The following LAMA3 variants were observed in gnomAD, a reference collection of about 807,000 sequenced individuals.
LAMA3 encodes laminin subunit alpha-3.
In LAMA3, 281 loss-of-function variants were observed where a neutral mutation model predicts 402.0. That is an observed-to-expected ratio of 0.70 (90% CI 0.63 to 0.77). LAMA3 has a LOEUF of 0.77. Ranked by LOEUF, LAMA3 falls within the 30% of genes least tolerant of loss-of-function variation. LAMA3 has a pLI of 0.00. For synonymous variants in LAMA3, 1,431 were observed against 1,558.4 expected (o/e 0.92, Z 1.93); for missense variants, 3,840 against 4,215.5 (o/e 0.91, Z 2.47).
intron 2 of LAMA3, among the ~76,000 whole-genome samples, chr18:23,730,470 C>T (rs1013919221): frequency 1.3e-4 from 19 of 150,814 alleles, no homozygotes; most frequent in African/African-American, 3.9e-4. Flanking sequence ...CGGGCTCAAG[C>T]GATTCTCCTG....
rs139471803 is a variant in LAMA3, at chr18:23,804,945, G to A, written c.1604-5421G>A. 3.9e-5 allele frequency among the ~76,000 whole-genome samples: 6 copies of A among 152,246 alleles called. No homozygotes were observed. The East Asian group carries it at 7.7e-4, about 20-fold the overall frequency. ...AGACCCTCACCAGAAGCAGATGCTG[G>A]CACCATGCTTCCTGTACAGCTTGCA... On this transcript the variant is annotated intron_variant, in intron 12 of 74. Transcript: ENST00000313654.
rs761534098 is a variant in LAMA3, at chr18:23,763,513, T to C, written c.1172T>C (p.Ile391Thr). The part of the protein sequence containing the change: ...QGIYAGGGVC[I>T]NCQHNTAGVN... The stretch of plus-strand genomic sequence containing the variant: ...ATCTATGCTGGTGGAGGGGTCTGCA[T>C]TAACTGTCAGGTGAGGCACTATTTA... The change falls in exon 8 of 75, where the codon ATT becomes ACT. Residue 391 changes from isoleucine to threonine, a missense_variant. Physicochemically the swap from Ile to Thr is moderately conservative, Grantham distance 89. Around this residue, in one of 3 missense-constraint regions of LAMA3, gnomAD observed 2,109 missense variants for 2,376.0 expected, o/e 0.89. Transcript: ENST00000313654. 6.3e-7 allele frequency: 1 copy of C among 1,595,978 alleles called. No homozygotes were observed. The highest frequency in any genetic ancestry group is 1.3e-5 in the African/African-American group (1 of 74,632).
chr18:23,932,477 GC>G, intron 66 of LAMA3, 186 bp downstream of exon 66: 1 of 589,770 alleles, frequency 1.7e-6, no homozygotes, highest in Admixed American at 3.0e-5. Context: ...AAACTCCTGG[GC>G]CCGGCCTCCT....
intron 3 of LAMA3, among the ~76,000 whole-genome samples, 193 bp downstream of exon 3, chr18:23,748,253 AC>A (rs1351134138): frequency 2.0e-5 from 3 of 151,868 alleles, no homozygotes; most frequent in East Asian, 3.9e-4. Flanking sequence ...ACATGGTGAA[AC>A]CCTGTCTCTA....
At chr18:23,810,017 G>C (rs758741078) in intron 12 of LAMA3, among the ~76,000 whole-genome samples, 2 of 152,066 alleles carry the variant, frequency 1.3e-5, no homozygotes, top group Non-Finnish European at 2.9e-5. Context: ...CCATCACCCA[G>C]CACCTGCAAA....
chr18:23,939,443 C>A, intron 68 of LAMA3, 57 bp downstream of exon 68: 1 of 1,565,120 alleles, frequency 6.4e-7, no homozygotes, highest in South Asian at 1.1e-5. Context: ...TGCGATTCCA[C>A]CTCAGGGAAG....
rs751982584 is a variant in LAMA3, at chr18:23,816,486, C to T, written c.2146C>T (p.Arg716Trp). The change falls in exon 18 of 75, where the codon CGG (arginine) becomes TGG (tryptophan). Residue 716 changes from arginine (R) to tryptophan (W), a missense_variant and splice_region_variant. Around this residue, in one of 3 missense-constraint regions of LAMA3, gnomAD observed 2,109 missense variants for 2,376.0 expected, o/e 0.89. Transcript: ENST00000313654. ...GCATGTCGTGGGAAAGGTGTGCCAG[C>T]GGTGAGTCTTCGGGAGGCTTCTTCC... ...REHVVGKVCQ[R>W]PENNYYFPDL... The T allele has an allele frequency of 7.4e-6, 12 of 1,612,848 alleles. No individual in the cohort carries two copies. The highest frequency in any genetic ancestry group is 6.7e-5 in the African/African-American group (5 of 74,842).
At chr18:23,837,588 T>TATATATATATATATATATATAC (rs2063612548) in intron 25 of LAMA3, among the ~76,000 whole-genome samples, 1 of 143,640 alleles carries the variant, frequency 7.0e-6, no homozygotes, top group Non-Finnish European at 1.5e-5. Flanking sequence ...TATATATATA[T>TATATATATATATATATATATAC]ATATATGTTA....
At chr18:23,928,385 A>G in intron 63 of LAMA3, 145 bp downstream of exon 63, 1 of 751,596 alleles carries the variant, frequency 1.3e-6, no homozygotes. Context: ...ATGTGCTTGC[A>G]AGATGCTGAA....
At chr18:23,769,815 A>G (rs1023411244) in intron 8 of LAMA3, among the ~76,000 whole-genome samples, 2 of 152,270 alleles carry the variant, frequency 1.3e-5, no homozygotes, top group African/African-American at 4.8e-5. Context: ...ATTCAAAGGC[A>G]GAAGCAATAA....
At chr18:23,847,704 A>G in intron 32 of LAMA3, 36 bp downstream of exon 32, 1 of 1,592,756 alleles carries the variant, frequency 6.3e-7, no homozygotes, top group South Asian at 1.1e-5. Context: ...CTTCTGTCAC[A>G]GGGAGGTCGC....
At chr18:23,710,142 T>A in intron 1 of LAMA3, 1 of 697,914 alleles carries the variant, frequency 1.4e-6, no homozygotes, top group Non-Finnish European at 2.6e-6. Context: ...CGCCGTGTCG[T>A]GGGCCGCCGG....
intron 11 of LAMA3, among the ~76,000 whole-genome samples, chr18:23,778,385 T>C (rs1398529875): frequency 1.3e-5 from 2 of 152,076 alleles, no homozygotes; most frequent in East Asian, 1.9e-4. Flanking sequence ...ACATACATAA[T>C]ATAGAAACCC....
intron 1 of LAMA3, among the ~76,000 whole-genome samples, chr18:23,707,474 C>A (rs1390327204): frequency 6.6e-6 from 1 of 152,158 alleles, no homozygotes; most frequent in African/African-American, 2.4e-5. Flanking sequence ...CAGAGACTAG[C>A]CTCCAGGGCA....
At chr18:23,717,542 CTTTTTTTTTTTTTTT>C (rs138974380) in intron 2 of LAMA3, among the ~76,000 whole-genome samples, 16 of 64,860 alleles carry the variant, frequency 2.5e-4, no homozygotes, top group Non-Finnish European at 3.9e-4. Flanking sequence ...TGGACTTGAT[CTTTTTTTTTTTTTTT>C]TTTTTTTTTT....
chr18:23,717,005 A>G (rs1328490373), intron 2 of LAMA3, among the ~76,000 whole-genome samples: 2 of 152,208 alleles, frequency 1.3e-5, no homozygotes, highest in Non-Finnish European at 2.9e-5. Flanking sequence ...AACTCTCATT[A>G]AAAAGAACAG....
chr18:23,914,278 C>T, intron 56 of LAMA3, 132 bp from the exon 57 acceptor site: 1 of 867,072 alleles, frequency 1.2e-6, no homozygotes, highest in Non-Finnish European at 1.9e-6. Flanking sequence ...AATATTGCAC[C>T]TTGTTTATTC....
intron 38 of LAMA3, chr18:23,873,205 G>A (rs759203944): frequency 3.1e-6 from 5 of 1,614,062 alleles, no homozygotes; most frequent in Non-Finnish European, 4.2e-6. Flanking sequence ...GTGGAGTTTA[G>A]ACCCAGCCAG....
At chr18:23,911,660 C>T (rs917495425) in intron 55 of LAMA3, among the ~76,000 whole-genome samples, 5 of 151,276 alleles carry the variant, frequency 3.3e-5, no homozygotes, top group Non-Finnish European at 7.4e-5. Context: ...CCTTGATGTA[C>T]TCACTTATTT....
Sources: allele counts gnomAD v4.1 joint callset (sites outside exome capture counted in the v4.1 genomes callset), GRCh38; gene constraint gnomAD v4.1.1; regional missense constraint gnomAD v4.1.1; transcripts MANE v1.5; gene names NCBI Gene and HGNC (gene_info 2026-07-23, HGNC 2026-07-21).